The following STAB2 variants were observed in gnomAD, a reference collection of about 807,000 sequenced individuals.
The protein encoded by STAB2 is stabilin-2.
Under a neutral mutation model 338.1 loss-of-function variants are expected in STAB2, and 288 were observed. The observed-to-expected ratio is 0.85, with a 90% CI of 0.77 to 0.94. The LOEUF is 0.94. Ranked by LOEUF, STAB2 falls within the 40% of genes least tolerant of loss-of-function variation. STAB2 has a pLI of 0.00. For missense variants in STAB2, 3,141 were observed against 3,210.1 expected (o/e 0.98, Z 0.52); for synonymous variants, 1,202 against 1,193.3 (o/e 1.01, Z -0.15).
Position 103,613,016 on chromosome 12 carries a change from G to A in STAB2, c.332-7452G>A, listed in dbSNP as rs1957150189. Among the ~76,000 whole-genome samples, 4 of 152,332 alleles carry A rather than the reference G, an allele frequency of 2.6e-5. No individual in the cohort carries two copies. The South Asian group carries it at 8.3e-4, about 32-fold the overall frequency. On this transcript the variant is annotated intron_variant, in intron 3 of 68. Transcript: ENST00000388887. ...GCAGAACAGCAAATATTGGTGAACA[G>A]CAAATGTTGCTGCCTGATTGTTCCT...
chr12:103,732,956 A>G, intron 50 of STAB2, 50 bp from the exon 51 acceptor site: 1 of 1,587,948 alleles, frequency 6.3e-7, no homozygotes, highest in Non-Finnish European at 8.6e-7. Context: ...CCCTGCCCAC[A>G]TGTCTGGGCC....
In STAB2 at chr12:103,636,543, T is replaced by A. The variant is rs1208054563; in HGVS notation, c.584-568T>A. Among the ~76,000 whole-genome samples, 3 of 152,016 alleles carry A rather than the reference T, an allele frequency of 2.0e-5. No homozygotes were observed. In the South Asian group the frequency reaches 6.2e-4, roughly 32 times the overall value. On this transcript the variant is annotated intron_variant, in intron 6 of 68. Transcript: ENST00000388887. ...TGTACATGTCTCAGTCTAGTCCTCT[T>A]TGAATTGCCCCATGGGAATTGAGGT...
intron 56 of STAB2, 133 bp from the exon 57 acceptor site, chr12:103,745,040 A>G (rs1882908909): frequency 1.2e-5 from 8 of 673,278 alleles, no homozygotes; most frequent in Non-Finnish European, 1.9e-5. Context: ...AGATGTTTCA[A>G]TGAATGAATG....
At chr12:103,685,524 G>C (rs1340982119) in intron 27 of STAB2, among the ~76,000 whole-genome samples, 1 of 151,752 alleles carries the variant, frequency 6.6e-6, no homozygotes, top group African/African-American at 2.4e-5. Flanking sequence ...CAGGCGTCTT[G>C]CTCAGTCCTT....
chr12:103,643,948 G>A (rs1873124443), intron 9 of STAB2, among the ~76,000 whole-genome samples: 1 of 88,806 alleles, frequency 1.1e-5, no homozygotes. Context: ...CCCCGTCCGG[G>A]AGGTGAGGGG....
At chr12:103,613,769 C>T (rs190846779) in intron 3 of STAB2, among the ~76,000 whole-genome samples, 210 of 152,296 alleles carry the variant, frequency 1.4e-3, no homozygotes, top group Admixed American at 3.1e-3. Flanking sequence ...CATCCGTCTT[C>T]TGCGTCGCTC....
At chr12:103,588,438 T>G (rs1956745925) in intron 1 of STAB2, among the ~76,000 whole-genome samples, 1 of 151,476 alleles carries the variant, frequency 6.6e-6, no homozygotes, top group Non-Finnish European at 1.5e-5. Context: ...CTCTTCAAGC[T>G]TCAGTCTCGC....
intron 65 of STAB2, among the ~76,000 whole-genome samples, chr12:103,760,668 C>T (rs565679694): frequency 6.6e-6 from 1 of 152,192 alleles, no homozygotes; most frequent in East Asian, 1.9e-4. Context: ...GTGGTGATAA[C>T]CATGATGTCG....
chr12:103,661,179 G>A (rs1054748647), intron 17 of STAB2, among the ~76,000 whole-genome samples: 4 of 134,978 alleles, frequency 3.0e-5, no homozygotes, highest in African/African-American at 1.1e-4. Flanking sequence ...TATGAATAAA[G>A]TGAAATTGGA....
Position 103,763,362 on chromosome 12 carries a change from T to A in STAB2, c.7489-130T>A, listed in dbSNP as rs201695837. On this transcript the variant is annotated intron_variant, in intron 67 of 68. Coordinates refer to ENST00000388887, the MANE Select transcript of STAB2 (RefSeq NM_017564.10). ...TAAATTTTATTATATGTGAATCATC[T>A]CTCAACAAAGTACTGTTAAAAAAGG... is the stretch of plus-strand genomic sequence containing the variant. 2.8e-4 allele frequency: 194 copies of A among 695,866 alleles called. 1 individual carries two copies. The East Asian group carries it at 4.8e-3, about 17-fold the overall frequency. The allele number at this position is 695,866 out of a possible 1,614,324, so 43.1% of individuals were successfully genotyped here. A position where few individuals can be genotyped will look rare whatever the true frequency, so the allele number is the denominator to read the frequency against.
chr12:103,677,364 A>G, intron 24 of STAB2, 89 bp from the exon 25 acceptor site: 1 of 1,473,720 alleles, frequency 6.8e-7, no homozygotes, highest in Non-Finnish European at 9.1e-7. Flanking sequence ...GTGTTTCTGG[A>G]ACATATGTCT....
Position 103,748,959 on chromosome 12 carries a change from G to A in STAB2, c.6245-4G>A, listed in dbSNP as rs1883330563. 2 of 1,611,792 alleles carry A rather than the reference G, an allele frequency of 1.2e-6. No homozygotes were observed. Among genetic ancestry groups the A allele is most frequent in the African/African-American group, 1.3e-5 (1 of 74,894 alleles). ...GTTGAGCCCTCTCTCCTCTGCTCTT[G>A]CAGTTGTGGATTTCTGCAAACAGGA... On this transcript the variant is annotated splice_polypyrimidine_tract_variant and splice_region_variant and intron_variant, in intron 58 of 68. Coordinates refer to ENST00000388887, the MANE Select transcript of STAB2 (RefSeq NM_017564.10).
chr12:103,649,917 C>G (rs1325050977), intron 10 of STAB2, among the ~76,000 whole-genome samples: 1 of 152,096 alleles, frequency 6.6e-6, no homozygotes, highest in Non-Finnish European at 1.5e-5. Flanking sequence ...ATGACAAAGT[C>G]CTTATACACT....
At chr12:103,717,103 AG>A (rs1880378138) in intron 43 of STAB2, among the ~76,000 whole-genome samples, 1 of 152,174 alleles carries the variant, frequency 6.6e-6, no homozygotes, top group South Asian at 2.1e-4. Flanking sequence ...GCCTCCTGGG[AG>A]GGCACAGTGG....
chr12:103,641,122 G>A (rs552908251), intron 9 of STAB2, among the ~76,000 whole-genome samples: 14 of 152,108 alleles, frequency 9.2e-5, no homozygotes, highest in East Asian at 1.9e-4. Flanking sequence ...AATCAACATC[G>A]AACCATAGCA....
chr12:103,590,939 G>A lies in STAB2; in HGVS notation c.124G>A (p.Glu42Lys), dbSNP rs576972879. 61 of 1,614,050 alleles carry A rather than the reference G, an allele frequency of 3.8e-5. No homozygotes were observed. In the Admixed American group the frequency reaches 7.3e-4, roughly 19 times the overall value. The stretch of plus-strand genomic sequence containing the variant: ...GAAGTCTCTTCTTACAATTAGGACC[G>A]AGTGCCGATCCTGCGCTCTCAACCT... The part of the protein sequence containing the change: ...DRKSLLTIRT[E>K]CRSCALNLGV... The change falls in exon 2 of 69, where the codon GAG (glutamate) becomes AAG (lysine). Residue 42 changes from glutamate to lysine, a missense_variant. By Grantham distance (56) the Glu-to-Lys change is moderately conservative. Transcript: ENST00000388887.
chr12:103,638,976 A>G (rs555451316), intron 8 of STAB2, among the ~76,000 whole-genome samples: 2 of 152,230 alleles, frequency 1.3e-5, no homozygotes, highest in Non-Finnish European at 2.9e-5. Flanking sequence ...GAATATTCCT[A>G]GAATTCCCTG....
Position 103,703,277 on chromosome 12 carries a change from G to A in STAB2, c.3843+1G>A, listed in dbSNP as rs1293889347. ...TAATAATGACACTACTATTATACGA[G>A]TAAGTTCTATGGGCCAGAGCCAGTG... On this transcript the variant is annotated splice_donor_variant, in intron 35 of 68. Coordinates refer to ENST00000388887, the MANE Select transcript of STAB2 (RefSeq NM_017564.10). LOFTEE classifies it high-confidence loss of function. 1 of 1,611,842 alleles carries A rather than the reference G, an allele frequency of 6.2e-7. No individual in the cohort carries two copies. The highest frequency in any genetic ancestry group is 1.7e-5 in the Admixed American group (1 of 59,942).
intron 44 of STAB2, among the ~76,000 whole-genome samples, chr12:103,719,014 C>A (rs1593279530): frequency 6.6e-6 from 1 of 152,210 alleles, no homozygotes; most frequent in South Asian, 2.1e-4. Flanking sequence ...TTTCTTATAA[C>A]CCTTGACTGC....
Sources: gnomAD v4.1 joint callset for allele counts (sites outside exome capture counted in the v4.1 genomes callset) on GRCh38, gnomAD v4.1.1 for gene constraint, MANE v1.5 for transcripts, NCBI Gene and HGNC (gene_info 2026-07-23, HGNC 2026-07-21) for gene names.